Variants in DPYD observed in about 807,000 individuals in gnomAD.
DPYD encodes the protein dihydropyrimidine dehydrogenase.
Under a neutral mutation model 116.2 loss-of-function variants are expected in DPYD, and 109 were observed. The observed-to-expected ratio is 0.94, with a 90% CI of 0.80 to 1.10. The LOEUF is 1.10. Among genes scored for constraint, DPYD ranks in the 50% least tolerant of loss-of-function variants. DPYD has a pLI of 0.00. For synonymous variants in DPYD, 440 were observed against 432.0 expected (o/e 1.02, Z -0.23); for missense variants, 1,302 against 1,254.5 (o/e 1.04, Z -0.57).
At chr1:97,101,116 A>G (rs1358888407) in intron 20 of DPYD, among the ~76,000 whole-genome samples, 1 of 151,916 alleles carries the variant, frequency 6.6e-6, no homozygotes, top group Non-Finnish European at 1.5e-5. Flanking sequence ...AAAATACCAA[A>G]TATCAGTGAC....
At chr1:97,304,809 C>A (rs975144858) in intron 18 of DPYD, among the ~76,000 whole-genome samples, 10 of 152,028 alleles carry the variant, frequency 6.6e-5, no homozygotes, top group African/African-American at 2.2e-4. Flanking sequence ...TCAGCTGATG[C>A]TTAATTCAGT....
chr1:97,175,075 C>G (rs765326747), intron 20 of DPYD, among the ~76,000 whole-genome samples: 23 of 152,110 alleles, frequency 1.5e-4, no homozygotes, highest in Non-Finnish European at 2.5e-4. Context: ...GGAAAGATAC[C>G]TAGAAGTAGA....
intron 19 of DPYD, among the ~76,000 whole-genome samples, chr1:97,200,948 A>C (rs997654536): frequency 5.9e-5 from 9 of 152,162 alleles, no homozygotes; most frequent in African/African-American, 1.9e-4. Flanking sequence ...GTAAGTGAGG[A>C]AATTGAAACC....
chr1:97,852,571 G>A (rs1023564513), intron 2 of DPYD, among the ~76,000 whole-genome samples: 1 of 152,166 alleles, frequency 6.6e-6, no homozygotes, highest in African/African-American at 2.4e-5. Flanking sequence ...TGTAGCCATT[G>A]AGCAATGAAC....
intron 18 of DPYD, among the ~76,000 whole-genome samples, chr1:97,257,122 A>G (rs1663532982): frequency 6.6e-6 from 1 of 152,090 alleles, no homozygotes. Flanking sequence ...TTTTGATTAG[A>G]ACATTTGGCA....
intron 20 of DPYD, among the ~76,000 whole-genome samples, chr1:97,181,396 G>A (rs1657632738): frequency 6.6e-6 from 1 of 152,112 alleles, no homozygotes; most frequent in African/African-American, 2.4e-5. Flanking sequence ...AACAGCAGTA[G>A]ACACCTCCCT....
chr1:97,188,723 G>A (rs1489274600), intron 20 of DPYD, among the ~76,000 whole-genome samples: 2 of 152,154 alleles, frequency 1.3e-5, no homozygotes, highest in Non-Finnish European at 2.9e-5. Context: ...TGATTGATCA[G>A]TATGTTCAAT....
intron 14 of DPYD, among the ~76,000 whole-genome samples, chr1:97,436,250 C>G (rs781499616): frequency 4.0e-5 from 6 of 151,848 alleles, no homozygotes; most frequent in African/African-American, 7.2e-5. Context: ...GAGTTGAGAT[C>G]GCAACACGAA....
intron 18 of DPYD, among the ~76,000 whole-genome samples, chr1:97,300,823 G>A (rs1461925192): frequency 6.6e-6 from 1 of 151,950 alleles, no homozygotes; most frequent in Non-Finnish European, 1.5e-5. Flanking sequence ...TAAACTATGC[G>A]ATGTGAAGTC....
At chr1:97,121,160 T>C (rs1287360540) in intron 20 of DPYD, among the ~76,000 whole-genome samples, 1 of 152,182 alleles carries the variant, frequency 6.6e-6, no homozygotes, top group African/African-American at 2.4e-5. Context: ...AGTGCCATGG[T>C]GGAGATGCAG....
chr1:97,551,907 T>A (rs1374889895), intron 11 of DPYD, among the ~76,000 whole-genome samples: 1 of 152,142 alleles, frequency 6.6e-6, no homozygotes, highest in African/African-American at 2.4e-5. Context: ...CAAGTATATA[T>A]ACAGCATATA....
chr1:97,094,702 G>A (rs985496669), intron 21 of DPYD, among the ~76,000 whole-genome samples: 1 of 152,160 alleles, frequency 6.6e-6, no homozygotes, highest in Non-Finnish European at 1.5e-5. Flanking sequence ...GGTGACACAA[G>A]TCTGAAGTAT....
chr1:97,337,743 G>GT (rs1558039829), intron 16 of DPYD, among the ~76,000 whole-genome samples: 1 of 151,188 alleles, frequency 6.6e-6, no homozygotes, highest in Non-Finnish European at 1.5e-5. Flanking sequence ...TTAAAAAGCT[G>GT]TATTTCCAGA....
chr1:97,323,142 T>C (rs1024900035), intron 16 of DPYD, among the ~76,000 whole-genome samples: 5 of 149,882 alleles, frequency 3.3e-5, no homozygotes, highest in Non-Finnish European at 7.4e-5. Context: ...TGTTTATGTA[T>C]AGGCATATAT....
chr1:97,249,121 C>A (rs1662910987), intron 18 of DPYD, among the ~76,000 whole-genome samples: 1 of 152,068 alleles, frequency 6.6e-6, no homozygotes, highest in African/African-American at 2.4e-5. Flanking sequence ...TTTAAAAATA[C>A]AAAGGATGTA....
chr1:97,248,563 T>C (rs1459754056), intron 18 of DPYD, among the ~76,000 whole-genome samples: 5 of 152,140 alleles, frequency 3.3e-5, no homozygotes, highest in Admixed American at 6.5e-5. Flanking sequence ...TGAAAATCAA[T>C]TAATGTAATT....
At chr1:97,261,433 T>C (rs1663866731) in intron 18 of DPYD, among the ~76,000 whole-genome samples, 1 of 151,398 alleles carries the variant, frequency 6.6e-6, no homozygotes, top group Non-Finnish European at 1.5e-5. Context: ...CAAGTGACAC[T>C]TGCTAGTGTG....
intron 3 of DPYD, among the ~76,000 whole-genome samples, chr1:97,767,755 C>CTTT (rs34390188): frequency 0.094 from 10,610 of 112,282 alleles, 595 homozygotes; most frequent in Non-Finnish European, 0.12. Flanking sequence ...TTGGGGCTGG[C>CTTT]TTTTTTTTTT....
intron 3 of DPYD, among the ~76,000 whole-genome samples, chr1:97,741,346 G>A (rs1011186170): frequency 1.3e-5 from 2 of 152,076 alleles, no homozygotes; most frequent in Admixed American, 6.5e-5. Flanking sequence ...CTCTCCGGGG[G>A]ACTGGCCAGA....
Sources: allele counts gnomAD v4.1 joint callset (sites outside exome capture counted in the v4.1 genomes callset), GRCh38; gene constraint gnomAD v4.1.1; transcripts MANE v1.5; gene names NCBI Gene and HGNC (gene_info 2026-07-23, HGNC 2026-07-21).